The following DOCK5 variants were observed in gnomAD, a reference collection of about 807,000 sequenced individuals.
The protein encoded by DOCK5 is dedicator of cytokinesis protein 5.
DOCK5 carries 142 observed loss-of-function variants against 251.8 expected under a neutral mutation model. The ratio of observed to expected loss-of-function variants is 0.56; its 90% CI spans 0.49 to 0.65. DOCK5 has a LOEUF of 0.65. Ranked by LOEUF, DOCK5 falls within the 30% of genes least tolerant of loss-of-function variation. The pLI, the probability that DOCK5 is intolerant of heterozygous loss-of-function variation, is 0.00. For synonymous variants in DOCK5, 842 were observed against 835.5 expected (o/e 1.01, Z -0.13); for missense variants, 2,111 against 2,312.3 (o/e 0.91, Z 1.79).
At chr8:25,210,224 C>T (rs1321629195) in intron 1 of DOCK5, among the ~76,000 whole-genome samples, 1 of 64,330 alleles carries the variant, frequency 1.6e-5, no homozygotes, top group African/African-American at 3.6e-5. Flanking sequence ...TCCCAAAGTG[C>T]TGAGATTACA....
At chr8:25,223,421 C>T (rs1802442544) in intron 1 of DOCK5, among the ~76,000 whole-genome samples, 1 of 152,188 alleles carries the variant, frequency 6.6e-6, no homozygotes, top group Admixed American at 6.5e-5. Flanking sequence ...GTTAAGTGAT[C>T]CTTCTACCTC....
Position 25,377,314 on chromosome 8 carries a change from A to G in DOCK5, c.3826A>G (p.Lys1276Glu), listed in dbSNP as rs746920041. Residue 1276 changes from lysine to glutamate, a missense_variant, in exon 38 of 52, where the codon AAG becomes GAG. Lys to Glu is a moderately conservative substitution (Grantham distance 56). This residue lies in a region of DOCK5 where 1,717 missense variants were observed against 1,892.4 expected (regional missense o/e 0.91). Coordinates refer to ENST00000276440, the MANE Select transcript of DOCK5 (RefSeq NM_024940.8). ...TTTTCTTCCTTTTCAGTGGTCTGAC[A>G]AGCCCTGTGTGCCTCATTTGCTTCA... ...LHAELLQWSDKPCVPHLLQKD... is the reference protein window; with the variant it reads ...LHAELLQWSDEPCVPHLLQKD... 5 of 1,612,634 alleles carry G rather than the reference A, an allele frequency of 3.1e-6. No homozygotes were observed. In the Admixed American group the frequency reaches 8.4e-5, roughly 27 times the overall value.
In DOCK5 at chr8:25,377,325, G is replaced by A. The variant is rs145111087; in HGVS notation, c.3837G>A (p.Val1279=). Residue 1279 remains valine (V), a synonymous_variant, in exon 38 of 52, where the codon GTG becomes GTA. Transcript: ENST00000276440. ...ELLQWSDKPC[V]PHLLQKDSYY... is the part of the protein sequence containing the mutation. ...TTCAGTGGTCTGACAAGCCCTGTGTGCCTCATTTGCTTCAGAAGGACAGTT... is the reference window on the plus strand; with the variant it reads ...TTCAGTGGTCTGACAAGCCCTGTGTACCTCATTTGCTTCAGAAGGACAGTT... 3.7e-6 allele frequency: 6 copies of A among 1,613,054 alleles called. No individual in the cohort carries two copies. Among genetic ancestry groups the A allele is most frequent in the Non-Finnish European group, 5.1e-6 (6 of 1,179,404 alleles).
chr8:25,288,315 A>G (rs1804396550), intron 5 of DOCK5, among the ~76,000 whole-genome samples: 1 of 152,228 alleles, frequency 6.6e-6, no homozygotes, highest in Non-Finnish European at 1.5e-5. Context: ...TTAGGAATGT[A>G]GCAACAAAGT....
chr8:25,306,349 G>A (rs940673405), intron 11 of DOCK5, among the ~76,000 whole-genome samples: 1 of 152,122 alleles, frequency 6.6e-6, no homozygotes, highest in Non-Finnish European at 1.5e-5. Context: ...AACACTGCAT[G>A]CACATACCTA....
chr8:25,301,267 A>G (rs894040155), intron 9 of DOCK5, among the ~76,000 whole-genome samples: 8 of 152,182 alleles, frequency 5.3e-5, no homozygotes, highest in Admixed American at 2.0e-4. Context: ...TACTCTATCA[A>G]TGTGCCACAA....
chr8:25,293,822 G>C (rs1354631845), intron 6 of DOCK5, among the ~76,000 whole-genome samples: 1 of 152,138 alleles, frequency 6.6e-6, no homozygotes, highest in Non-Finnish European at 1.5e-5. Context: ...TGGCCAACAT[G>C]ATGAAACCCC....
intron 40 of DOCK5, among the ~76,000 whole-genome samples, chr8:25,384,279 G>A (rs1374434281): frequency 6.6e-6 from 1 of 152,152 alleles, no homozygotes; most frequent in South Asian, 2.1e-4. Flanking sequence ...CCAGGGGGAG[G>A]TTGGCTGCAG....
chr8:25,249,966 C>T (rs985953511), intron 2 of DOCK5, among the ~76,000 whole-genome samples: 1 of 152,196 alleles, frequency 6.6e-6, no homozygotes, highest in African/African-American at 2.4e-5. Flanking sequence ...TTTATTCATT[C>T]ATCAGTTGGA....
chr8:25,186,494 C>G (rs1363689201), intron 1 of DOCK5, among the ~76,000 whole-genome samples: 1 of 152,028 alleles, frequency 6.6e-6, no homozygotes, highest in African/African-American at 2.4e-5. Context: ...CTGTCTCAGC[C>G]CCCCTCCCCG....
intron 5 of DOCK5, among the ~76,000 whole-genome samples, chr8:25,286,819 A>G (rs1477449299): frequency 6.6e-6 from 1 of 152,074 alleles, no homozygotes; most frequent in Non-Finnish European, 1.5e-5. Context: ...GTGCACCACC[A>G]CATCTGGCTA....
At chr8:25,344,345 ACTT>A (rs1020853319) in intron 25 of DOCK5, among the ~76,000 whole-genome samples, 44 of 152,178 alleles carry the variant, frequency 2.9e-4, no homozygotes, top group South Asian at 4.1e-4. Flanking sequence ...AGCCACGGAG[ACTT>A]CTTCTGGGGC....
chr8:25,324,996 A>AT (rs1480610156), intron 17 of DOCK5, among the ~76,000 whole-genome samples: 21 of 152,010 alleles, frequency 1.4e-4, no homozygotes, highest in Non-Finnish European at 5.9e-5. Flanking sequence ...TTATGGCTGC[A>AT]TAGTATTCCA....
At chr8:25,191,972 G>A (rs1459441171) in intron 1 of DOCK5, among the ~76,000 whole-genome samples, 3 of 135,152 alleles carry the variant, frequency 2.2e-5, no homozygotes, top group East Asian at 4.3e-4. Context: ...CTGTGTCCAA[G>A]TGTTCTCATT....
Position 25,369,549 on chromosome 8 carries a change from C to T in DOCK5, c.3439-7C>T. ...ATTATCCTGTGAAATTCTGCCTCTA[C>T]TTTCAGTTTGAGAATGAGCTGATCA... On this transcript the variant is annotated splice_region_variant and splice_polypyrimidine_tract_variant and intron_variant, in intron 33 of 51. Transcript: ENST00000276440. 1.2e-6 allele frequency: 2 copies of T among 1,605,190 alleles called. No individual in the cohort carries two copies. The highest frequency in any genetic ancestry group is 1.7e-6 in the Non-Finnish European group (2 of 1,175,608).
chr8:25,353,305 A>G (rs1182706714), intron 27 of DOCK5, among the ~76,000 whole-genome samples: 1 of 152,182 alleles, frequency 6.6e-6, no homozygotes, highest in East Asian at 1.9e-4. Flanking sequence ...TCGCCATTGC[A>G]CTTCAGCCTG....
At chr8:25,229,064 C>T (rs1171692123) in intron 1 of DOCK5, among the ~76,000 whole-genome samples, 2 of 141,600 alleles carry the variant, frequency 1.4e-5, no homozygotes, top group African/African-American at 5.4e-5. Context: ...GACCTCATGT[C>T]TACCAAAAAA....
intron 2 of DOCK5, among the ~76,000 whole-genome samples, chr8:25,262,509 C>T (rs1004561530): frequency 6.6e-6 from 1 of 152,032 alleles, no homozygotes; most frequent in African/African-American, 2.4e-5. Flanking sequence ...CTAGTTCTGG[C>T]CTACCAGGGT....
In DOCK5 at chr8:25,331,799, TATAGAGAG is replaced by T. The variant is rs1261989219; in HGVS notation, c.1904-450_1904-443del. 8.1e-3 allele frequency among the ~76,000 whole-genome samples: 398 copies of T among 48,944 alleles called. 2 individuals are homozygous for T. Among genetic ancestry groups the T allele is most frequent in the Admixed American group, 0.021 (82 of 3,832 alleles). The allele number at this position is 48,944 out of a possible 152,430, so 32.1% of individuals were successfully genotyped here. A position where few individuals can be genotyped will look rare whatever the true frequency, so the allele number is the denominator to read the frequency against. On this transcript the variant is annotated intron_variant, in intron 18 of 51. Transcript: ENST00000276440. Reference sequence around the variant, plus strand: ...ATTAATGCATATATATATATATATATATAGAGAGAGAGAGAGAGAGAGAGAGAGAGAGA... The same window carrying T: ...ATTAATGCATATATATATATATATATAGAGAGAGAGAGAGAGAGAGAGAGA...
Sources: gnomAD v4.1 joint callset for allele counts (sites outside exome capture counted in the v4.1 genomes callset) on GRCh38, gnomAD v4.1.1 for gene constraint, gnomAD v4.1.1 regional missense constraint, MANE v1.5 for transcripts, NCBI Gene and HGNC (gene_info 2026-07-23, HGNC 2026-07-21) for gene names.